The following ZNF496 variants were observed in gnomAD, a reference collection of about 807,000 sequenced individuals.
ZNF496 encodes zinc finger protein 496.
Under a neutral mutation model 58.9 loss-of-function variants are expected in ZNF496, and 11 were observed. That is an observed-to-expected ratio of 0.19 (90% confidence interval 0.12 to 0.31). The LOEUF (loss-of-function observed/expected upper bound fraction) is 0.31, where lower values mean the gene tolerates loss of function less well. ZNF496 is among the 10% of genes least tolerant of loss of function. The pLI is 1.00. For synonymous variants in ZNF496, 338 were observed against 318.2 expected (o/e 1.06, Z -0.66); for missense variants, 660 against 783.0 (o/e 0.84, Z 1.88).
rs1370493727 is a variant in ZNF496 at position 247,309,932 on chromosome 1, GA to G, written c.785-127del. ...CATGGCACCATCAGGGGCGAGAAGT[GA>G]AAAGGCCAGAGCTGGCAGTGCAGGG... On this transcript the variant is annotated intron_variant, in intron 7 of 9. Transcript: ENST00000682384. This position sits in a 1 kb window ranked among gnomAD's most constrained non-coding sequence, Gnocchi z 4.3. 2.2e-6 allele frequency: 3 copies of G among 1,352,422 alleles called. No individual in the cohort carries two copies. Among genetic ancestry groups the G allele is most frequent in the African/African-American group, 1.5e-5 (1 of 68,962 alleles). 83.8% of individuals were successfully genotyped at this position (1,352,422 alleles called of 1,614,324 possible).
rs1033992803 is a variant in ZNF496, at chr1:247,331,554, TC to T, written c.-277del. The T allele has an allele frequency of 6.6e-6, 1 of 152,004 alleles. No individual in the cohort carries two copies. The highest frequency in any genetic ancestry group is 2.4e-5 in the African/African-American group (1 of 41,370). 9.4% of individuals were successfully genotyped at this position (152,004 alleles called of 1,614,324 possible). A position where few individuals can be genotyped will look rare whatever the true frequency, so the allele number is the denominator to read the frequency against. Reference sequence around the variant, plus strand: ...CGGGCGTACTCGCTGAGGCGGGGTCTCCGCAGGCGCCCGGCTCCTTTCCCGG... The same window carrying T: ...CGGGCGTACTCGCTGAGGCGGGGTCTCGCAGGCGCCCGGCTCCTTTCCCGG... On this transcript the variant is annotated 5_prime_UTR_variant, in exon 2 of 10. It introduces an in-frame stop codon into an upstream open reading frame of the 5' UTR. Transcript: ENST00000682384.
chr1:247,309,739 C>A lies in ZNF496; in HGVS notation c.852G>T (p.Gln284His), dbSNP rs1169577075. Reference sequence around the variant, plus strand: ...GGGGCACTTCTTTGCCCTGGAGATCCTGCAACTCTGGAACGCGTGGCTCAT... The same window carrying A: ...GGGGCACTTCTTTGCCCTGGAGATCATGCAACTCTGGAACGCGTGGCTCAT... The part of the protein sequence containing the change: ...EENEPRVPEL[Q>H]DLQGKEVPQV... The change falls in exon 8 of 10, where the codon CAG (glutamine) becomes CAT (histidine). Residue 284 changes from glutamine (Q) to histidine (H), a missense_variant. Physicochemically the swap from Gln to His is conservative, Grantham distance 24. Coordinates refer to ENST00000682384, the MANE Select transcript of ZNF496 (RefSeq NM_032752.3). The surrounding 1 kb of genome is among the most constrained non-coding windows in gnomAD (Gnocchi z 4.3). 1.2e-6 allele frequency: 2 copies of A among 1,614,078 alleles called. No homozygotes were observed. Among genetic ancestry groups the A allele is most frequent in the African/African-American group, 2.7e-5 (2 of 74,928 alleles).
intron 6 of ZNF496, chr1:247,312,830 A>G (rs1282248277): frequency 1.3e-5 from 2 of 152,022 alleles, no homozygotes; most frequent in Non-Finnish European, 2.9e-5. Flanking sequence ...TCTAGCCTCT[A>G]CCCATTACCC....
Position 247,300,307 on chromosome 1 carries a change from A to T in ZNF496, c.*212T>A. The stretch of plus-strand genomic sequence containing the variant: ...CATCCCCCCCGTTTTTTGGCACAGC[A>T]GAAACAGAACACTCACTTGGCCACT... On this transcript the variant is annotated 3_prime_UTR_variant, in exon 10 of 10. Transcript: ENST00000682384. This position sits in a 1 kb window ranked among gnomAD's most constrained non-coding sequence, Gnocchi z 5.7. 2.0e-6 allele frequency: 1 copy of T among 488,430 alleles called. No individual in the cohort carries two copies. The highest frequency in any genetic ancestry group is 3.5e-6 in the Non-Finnish European group (1 of 287,328). The allele number at this position is 488,430 out of a possible 1,614,324, so 30.3% of individuals were successfully genotyped here. A position where few individuals can be genotyped will look rare whatever the true frequency, so the allele number is the denominator to read the frequency against.
intron 7 of ZNF496, 71 bp downstream of exon 7, chr1:247,310,253 C>T: frequency 6.2e-7 from 1 of 1,601,284 alleles, no homozygotes; most frequent in Non-Finnish European, 8.5e-7. Context: ...ACGAAGTTGA[C>T]TCTTACTCCA....
At chr1:247,323,560 C>T (rs1412026351) in intron 5 of ZNF496, among the ~76,000 whole-genome samples, 1 of 152,090 alleles carries the variant, frequency 6.6e-6, no homozygotes, top group East Asian at 1.9e-4. Flanking sequence ...AACTCTTTCA[C>T]CTCGGGTAGG....
At chr1:247,330,664 T>C (rs959185850) in intron 2 of ZNF496, among the ~76,000 whole-genome samples, 1 of 152,232 alleles carries the variant, frequency 6.6e-6, no homozygotes, top group Non-Finnish European at 1.5e-5. Context: ...AAAGGGCACA[T>C]GGGGACACTC....
At chr1:247,316,519 CT>C (rs1408015769) in intron 6 of ZNF496, among the ~76,000 whole-genome samples, 1 of 152,116 alleles carries the variant, frequency 6.6e-6, no homozygotes, top group Non-Finnish European at 1.5e-5. Context: ...CACTCAGCCC[CT>C]CGCCATGTGA....
intron 6 of ZNF496, among the ~76,000 whole-genome samples, chr1:247,316,135 G>GGAGTGT (rs531854783): frequency 7.2e-6 from 1 of 139,830 alleles, no homozygotes; most frequent in Admixed American, 7.2e-5. Flanking sequence ...CTGGGAGAGG[G>GGAGTGT]GTGTGTGTGT....
rs1659502542 is a variant in ZNF496, at chr1:247,308,900, G to T, written c.893-312C>A. On this transcript the variant is annotated intron_variant, in intron 8 of 9. Transcript: ENST00000682384. This position sits in a 1 kb window ranked among gnomAD's most constrained non-coding sequence, Gnocchi z 4.5. ...ATATTTATTCCCACTTTCTGTGGTG[G>T]GTTTTCTATAGTCATCACCACAGGC... 2.8e-6 allele frequency: 1 copy of T among 358,082 alleles called. No individual in the cohort carries two copies. The highest frequency in any genetic ancestry group is 5.4e-6 in the Non-Finnish European group (1 of 185,992). 22.2% of individuals were successfully genotyped at this position (358,082 alleles called of 1,614,324 possible). A position where few individuals can be genotyped will look rare whatever the true frequency, so the allele number is the denominator to read the frequency against.
chr1:247,301,450 G>A (rs879816589), intron 9 of ZNF496, among the ~76,000 whole-genome samples, 174 bp from the exon 10 acceptor site: 15 of 152,178 alleles, frequency 9.9e-5, no homozygotes, highest in Non-Finnish European at 1.8e-4. Flanking sequence ...AGCCTGTGAG[G>A]AAGAAATCTT....
In ZNF496 at chr1:247,315,591, G is replaced by A. The variant is rs529163269; in HGVS notation, c.652-5135C>T. 5.3e-5 allele frequency among the ~76,000 whole-genome samples: 8 copies of A among 152,170 alleles called. No homozygotes were observed. The East Asian group carries it at 7.7e-4, about 15-fold the overall frequency. ...TTGGCATGAATAAGGGGGCACAAAC[G>A]TCTGCATCTAACTGAAGATTTGGGG... is the stretch of plus-strand genomic sequence containing the variant. On this transcript the variant is annotated intron_variant, in intron 6 of 9. Coordinates refer to ENST00000682384, the MANE Select transcript of ZNF496 (RefSeq NM_032752.3).
chr1:247,326,577 C>A (rs1197871850), intron 5 of ZNF496, among the ~76,000 whole-genome samples: 2 of 152,200 alleles, frequency 1.3e-5, no homozygotes. Context: ...CCACTTCCTG[C>A]ATAACCCAAG....
intron 9 of ZNF496, among the ~76,000 whole-genome samples, chr1:247,306,020 T>C (rs565709898): frequency 4.6e-5 from 7 of 152,266 alleles, no homozygotes; most frequent in Non-Finnish European, 8.8e-5. Flanking sequence ...AGGCAAGGGA[T>C]TCAGACCCAA....
In ZNF496 at chr1:247,329,260, G is replaced by T; in HGVS notation, c.319C>A (p.Pro107Thr). 6.2e-7 allele frequency: 1 copy of T among 1,613,552 alleles called. No individual in the cohort carries two copies. The highest frequency in any genetic ancestry group is 8.5e-7 in the Non-Finnish European group (1 of 1,180,014). ...EIQSWVRAQE[P>T]ESGEQAVAAV... is the part of the protein sequence containing the mutation. ...GCCACAGCCTGCTCTCCGCTCTCAGGCTCCTGCGCCCGCACCCAGCTCTGG... is the reference window on the plus strand; with the variant it reads ...GCCACAGCCTGCTCTCCGCTCTCAGTCTCCTGCGCCCGCACCCAGCTCTGG... The change falls in exon 4 of 10, where the codon CCT (proline) becomes ACT (threonine). Residue 107 changes from proline to threonine, a missense_variant. Physicochemically the swap from Pro to Thr is conservative, Grantham distance 38 (BLOSUM62 -1). Coordinates refer to ENST00000682384, the MANE Select transcript of ZNF496 (RefSeq NM_032752.3). The surrounding 1 kb of genome is among the most constrained non-coding windows in gnomAD (Gnocchi z 5.5).
chr1:247,300,299 G>T lies in ZNF496; in HGVS notation c.*220C>A. 1.1e-5 allele frequency: 5 copies of T among 452,098 alleles called. No homozygotes were observed. Among genetic ancestry groups the T allele is most frequent in the Non-Finnish European group, 1.1e-5 (3 of 262,852 alleles). 28.0% of individuals were successfully genotyped at this position (452,098 alleles called of 1,614,324 possible). On this transcript the variant is annotated 3_prime_UTR_variant, in exon 10 of 10. Coordinates refer to ENST00000682384, the MANE Select transcript of ZNF496 (RefSeq NM_032752.3). This position sits in a 1 kb window ranked among gnomAD's most constrained non-coding sequence, Gnocchi z 5.7. ...TGATGGCACATCCCCCCCGTTTTTT[G>T]GCACAGCAGAAACAGAACACTCACT... is the stretch of plus-strand genomic sequence containing the variant.
chr1:247,309,743 A>C lies in ZNF496; in HGVS notation c.848T>G (p.Leu283Trp). 1 of 1,614,202 alleles carries C rather than the reference A, an allele frequency of 6.2e-7. No homozygotes were observed. The highest frequency in any genetic ancestry group is 1.1e-5 in the South Asian group (1 of 91,084). ...CACTTCTTTGCCCTGGAGATCCTGC[A>C]ACTCTGGAACGCGTGGCTCATTCTC... ...GEENEPRVPE[L>W]QDLQGKEVPQ... The change falls in exon 8 of 10, where the codon TTG becomes TGG. Residue 283 changes from leucine (L) to tryptophan (W), a missense_variant. Leu to Trp is a moderately conservative substitution (Grantham distance 61). Coordinates refer to ENST00000682384, the MANE Select transcript of ZNF496 (RefSeq NM_032752.3). The surrounding 1 kb of genome is among the most constrained non-coding windows in gnomAD (Gnocchi z 4.3).
rs893155839 is a variant in ZNF496, at chr1:247,325,962, C to G, written c.574+2721G>C. 3.9e-4 allele frequency among the ~76,000 whole-genome samples: 59 copies of G among 151,648 alleles called. 1 individual carries two copies. Among genetic ancestry groups the G allele is most frequent in the Admixed American group, 3.8e-3 (58 of 15,196 alleles). On this transcript the variant is annotated intron_variant, in intron 5 of 9. Coordinates refer to ENST00000682384, the MANE Select transcript of ZNF496 (RefSeq NM_032752.3). ...TCTCCAAGTTTAAAATCATGTTGGC[C>G]GGGCACAGTGGCTCACGCCTGTAAT...
intron 6 of ZNF496, 115 bp downstream of exon 6, chr1:247,323,038 TG>T: frequency 1.1e-6 from 1 of 869,582 alleles, no homozygotes; most frequent in Non-Finnish European, 1.8e-6. Context: ...TTTTCTGGGC[TG>T]GGACTGAACA....
Sources: gnomAD v4.1 joint callset for allele counts (sites outside exome capture counted in the v4.1 genomes callset) on GRCh38, gnomAD v4.1.1 for gene constraint, Gnocchi (gnomAD v3.1) non-coding constraint, MANE v1.5 for transcripts, NCBI Gene and HGNC (gene_info 2026-07-23, HGNC 2026-07-21) for gene names.